DCP1B: variants seen among roughly 807,000 people sequenced by gnomAD.
The protein encoded by DCP1B is decapping mRNA 1B.
Under a neutral mutation model 60.5 loss-of-function variants are expected in DCP1B, and 47 were observed. The ratio of observed to expected loss-of-function variants is 0.78; its 90% CI spans 0.61 to 0.99. The LOEUF (loss-of-function observed/expected upper bound fraction) is 0.99, where lower values mean the gene tolerates loss of function less well. Ranked by LOEUF, DCP1B falls within the 50% of genes least tolerant of loss-of-function variation. The pLI is 0.00. For missense variants in DCP1B, 725 were observed against 756.8 expected, an observed-to-expected ratio of 0.96 and a Z score of 0.49; for synonymous variants, 267 against 280.3, an observed-to-expected ratio of 0.95 and a Z score of 0.47.
intron 5 of DCP1B, among the ~76,000 whole-genome samples, chr12:1,959,959 CAA>C (rs34121456): frequency 0.011 from 1,331 of 125,690 alleles, 13 homozygotes; most frequent in African/African-American, 0.03. Flanking sequence ...GACTCCGTCT[CAA>C]AAAAAAAAAA....
chr12:1,965,763 C>A, intron 4 of DCP1B, 70 bp from the exon 5 acceptor site: 1 of 1,488,862 alleles, frequency 6.7e-7, no homozygotes, highest in Non-Finnish European at 9.0e-7. Context: ...AAAACCATCC[C>A]AATTCTCACC....
At chr12:1,956,769 C>T (rs138919106) in intron 5 of DCP1B, among the ~76,000 whole-genome samples, 29 of 152,330 alleles carry the variant, frequency 1.9e-4, no homozygotes, top group African/African-American at 6.7e-4. Context: ...CATTTAATCC[C>T]TTACACAATT....
chr12:1,989,335 C>A (rs2038732714), intron 3 of DCP1B, among the ~76,000 whole-genome samples: 1 of 151,302 alleles, frequency 6.6e-6, no homozygotes, highest in Non-Finnish European at 1.5e-5. Flanking sequence ...AAGAACTTGT[C>A]TCTAAAGAGC....
intron 3 of DCP1B, among the ~76,000 whole-genome samples, chr12:1,979,458 C>T (rs1459726905): frequency 2.0e-5 from 3 of 151,818 alleles, no homozygotes; most frequent in Non-Finnish European, 4.4e-5. Context: ...ATCACAGGGG[C>T]CTGCCACCAT....
chr12:1,996,657 AACAAACT>A (rs2040979859), intron 2 of DCP1B, among the ~76,000 whole-genome samples: 8 of 20,070 alleles, frequency 4.0e-4, no homozygotes, highest in African/African-American at 2.2e-3. Context: ...AAAAAAAAAC[AACAAACT>A]CTTCTAATGT....
chr12:1,961,539 A>G (rs1465578776), intron 5 of DCP1B: 1 of 152,266 alleles, frequency 6.6e-6, no homozygotes, highest in Admixed American at 6.5e-5. Flanking sequence ...TCATGTCAAC[A>G]TTATAACAAA....
intron 1 of DCP1B, among the ~76,000 whole-genome samples, chr12:2,002,755 T>C (rs1403721649): frequency 6.6e-6 from 1 of 152,218 alleles, no homozygotes; most frequent in Non-Finnish European, 1.5e-5. Context: ...TTTACAGGAT[T>C]ATAACATTAT....
chr12:1,998,007 G>GT (rs1486386012), intron 1 of DCP1B, 32 bp from the exon 2 acceptor site: 3 of 1,582,396 alleles, frequency 1.9e-6, no homozygotes, highest in Non-Finnish European at 2.6e-6. Flanking sequence ...CACAAGACAT[G>GT]TATGTTCTCT....
intron 3 of DCP1B, among the ~76,000 whole-genome samples, chr12:1,969,299 A>G (rs2031657487): frequency 6.6e-6 from 1 of 152,202 alleles, no homozygotes; most frequent in Admixed American, 6.5e-5. Context: ...ATGTCTTTAT[A>G]GTGCTATTTT....
rs149963008 is a variant in DCP1B at position 1,972,159 on chromosome 12, G to A, written c.320-4249C>T. On this transcript the variant is annotated intron_variant, in intron 3 of 8. Transcript: ENST00000280665. Reference sequence around the variant, plus strand: ...TTACTTGGAAAGCCACGGAAACGTGGTAGTGTGACATTACACAAACCTCTT... The same window carrying A: ...TTACTTGGAAAGCCACGGAAACGTGATAGTGTGACATTACACAAACCTCTT... Among the ~76,000 whole-genome samples the A allele has an allele frequency of 9.7e-4, 148 of 152,320 alleles. 1 individual carries two copies. The highest frequency in any genetic ancestry group is 3.5e-3 in the African/African-American group (144 of 41,568).
At chr12:1,981,535 A>T (rs966974207) in intron 3 of DCP1B, among the ~76,000 whole-genome samples, 1 of 152,224 alleles carries the variant, frequency 6.6e-6, no homozygotes, top group Non-Finnish European at 1.5e-5. Context: ...AATTGCCTTT[A>T]TTTCTAGCTC....
Position 1,951,229 on chromosome 12 carries a change from C to T in DCP1B, c.1524+1187G>A, listed in dbSNP as rs144574450. On this transcript the variant is annotated intron_variant, in intron 7 of 8. Coordinates refer to ENST00000280665, the MANE Select transcript of DCP1B (RefSeq NM_152640.5). ...GGTGGAGGTTGCAGTGAGCCGAGAT[C>T]GCACCATTGTACTCCAGCCTGGGCG... Among the ~76,000 whole-genome samples the T allele has an allele frequency of 5.6e-3, 853 of 152,156 alleles. 5 individuals carry two copies. The highest frequency in any genetic ancestry group is 0.019 in the African/African-American group (778 of 41,514).
intron 3 of DCP1B, among the ~76,000 whole-genome samples, chr12:1,980,673 C>T (rs1489243389): frequency 3.5e-5 from 3 of 84,852 alleles, no homozygotes; most frequent in Admixed American, 3.3e-4. Context: ...TTTGGTAATA[C>T]TACCTTTAAC....
rs1457225203 is a variant in DCP1B, at chr12:1,962,917, C to T, written c.522+2641G>A. Among the ~76,000 whole-genome samples the T allele has an allele frequency of 6.6e-6, 1 of 152,184 alleles. No individual in the cohort carries two copies. Among genetic ancestry groups the T allele is most frequent in the Non-Finnish European group, 1.5e-5 (1 of 68,036 alleles). On this transcript the variant is annotated intron_variant, in intron 5 of 8. Coordinates refer to ENST00000280665, the MANE Select transcript of DCP1B (RefSeq NM_152640.5). This position sits in a 1 kb window ranked among gnomAD's most constrained non-coding sequence, Gnocchi z 4.4. ...GTCAAGGCAAAGCATGTTAAAGAAA[C>T]TTGTCTAACTGCCTATATGTGCCAC...
At chr12:1,954,492 C>T (rs909995675) in intron 6 of DCP1B, among the ~76,000 whole-genome samples, 2 of 151,764 alleles carry the variant, frequency 1.3e-5, no homozygotes, top group Admixed American at 6.6e-5. Flanking sequence ...ATTAATGGGA[C>T]CTACAGATTG....
chr12:1,958,370 GACA>G (rs2030977018), intron 5 of DCP1B, among the ~76,000 whole-genome samples: 35 of 116,050 alleles, frequency 3.0e-4, no homozygotes, highest in South Asian at 6.2e-4. Flanking sequence ...CCTGGAAGAA[GACA>G]GGGGAAAAGC....
chr12:1,984,089 T>C (rs908472806), intron 3 of DCP1B, among the ~76,000 whole-genome samples: 4 of 152,080 alleles, frequency 2.6e-5, no homozygotes, highest in African/African-American at 9.7e-5. Flanking sequence ...ATATCTTTCT[T>C]CATCCTTTTA....
chr12:1,964,809 C>T (rs112226835), intron 5 of DCP1B, among the ~76,000 whole-genome samples: 4,146 of 152,296 alleles, frequency 0.027, 95 homozygotes, highest in Middle Eastern at 0.054. Context: ...TCAATACCAT[C>T]AACACCATAC....
intron 5 of DCP1B, among the ~76,000 whole-genome samples, chr12:1,958,003 C>T (rs112278265): frequency 5.5e-5 from 8 of 145,802 alleles, no homozygotes; most frequent in African/African-American, 1.7e-4. Context: ...AGCTCCCCAA[C>T]GTCGCTCTGG....
Sources: allele counts gnomAD v4.1 joint callset (sites outside exome capture counted in the v4.1 genomes callset), GRCh38; gene constraint gnomAD v4.1.1; non-coding constraint Gnocchi (gnomAD v3.1); transcripts MANE v1.5; gene names NCBI Gene and HGNC (gene_info 2026-07-23, HGNC 2026-07-21).